Variants in TBL1XR1 observed in about 807,000 individuals in gnomAD.
TBL1XR1 encodes TBL1X/Y related 1.
A neutral mutation model predicts 66.9 loss-of-function variants in TBL1XR1; 5 were observed. That is an observed-to-expected ratio of 0.07 (90% CI 0.04 to 0.16). The LOEUF (loss-of-function observed/expected upper bound fraction) is 0.16. Ranked by LOEUF, TBL1XR1 falls within the 10% of genes least tolerant of loss-of-function variation. TBL1XR1 has a pLI of 1.00. For synonymous variants in TBL1XR1, 210 were observed against 206.0 expected (o/e 1.02, Z -0.17); for missense variants, 238 against 623.2 (o/e 0.38, Z 6.58).
intron 14 of TBL1XR1, among the ~76,000 whole-genome samples, chr3:177,028,809 T>C (rs1369033250): frequency 6.6e-6 from 1 of 152,136 alleles, no homozygotes; most frequent in Non-Finnish European, 1.5e-5. Flanking sequence ...ATTTATAAAG[T>C]TAGAATTATT....
chr3:177,189,509 G>T (rs1341203243), intron 1 of TBL1XR1, among the ~76,000 whole-genome samples: 1 of 151,978 alleles, frequency 6.6e-6, no homozygotes. Context: ...AAAAAAATTA[G>T]CCAGGCGTGG....
chr3:177,118,276 A>T (rs1305099771), intron 1 of TBL1XR1, among the ~76,000 whole-genome samples: 1 of 152,206 alleles, frequency 6.6e-6, no homozygotes, highest in Non-Finnish European at 1.5e-5. Context: ...TCATTAACTC[A>T]TTTAAGAGCC....
In TBL1XR1 at chr3:177,037,859, T is replaced by G. The variant is rs1715036972; in HGVS notation, c.1122+239A>C. ...GAGCCCTAACTAATAGGGTATCATATGTCTCATTGTATCACAAGCCATCAT... is the reference window on the plus strand; with the variant it reads ...GAGCCCTAACTAATAGGGTATCATAGGTCTCATTGTATCACAAGCCATCAT... On this transcript the variant is annotated intron_variant, in intron 12 of 15. Coordinates refer to ENST00000457928, the MANE Select transcript of TBL1XR1 (RefSeq NM_024665.7). The G allele has an allele frequency of 6.9e-6, 3 of 433,324 alleles. No individual in the cohort carries two copies. The Admixed American group carries it at 1.2e-4, about 17-fold the overall frequency. 26.8% of individuals were successfully genotyped at this position (433,324 alleles called of 1,614,324 possible).
chr3:177,051,440 T>TA, intron 5 of TBL1XR1, 64 bp downstream of exon 5: 6 of 1,450,830 alleles, frequency 4.1e-6, no homozygotes, highest in Admixed American at 4.6e-5. Flanking sequence ...TACCCCGAAT[T>TA]AAAAGTTTAA....
chr3:177,181,705 A>G (rs1436402091), intron 1 of TBL1XR1, among the ~76,000 whole-genome samples: 2 of 152,126 alleles, frequency 1.3e-5, no homozygotes, highest in African/African-American at 4.8e-5. Flanking sequence ...GGAAAACCAC[A>G]GTCAAAGAGA....
chr3:177,179,588 G>A (rs1358013066), intron 1 of TBL1XR1, among the ~76,000 whole-genome samples: 1 of 152,176 alleles, frequency 6.6e-6, no homozygotes, highest in Non-Finnish European at 1.5e-5. Context: ...TGAAGCTAAA[G>A]GTTGCAGAAG....
At chr3:177,099,427 TG>T (rs1172087713) in intron 1 of TBL1XR1, 1 of 152,292 alleles carries the variant, frequency 6.6e-6, no homozygotes, top group Non-Finnish European at 1.5e-5. Context: ...GACTCTTAGT[TG>T]GAACACTGAC....
intron 1 of TBL1XR1, among the ~76,000 whole-genome samples, chr3:177,147,544 C>T (rs1730401634): frequency 6.6e-6 from 1 of 152,202 alleles, no homozygotes; most frequent in Admixed American, 6.5e-5. Context: ...TTGGGTTCAA[C>T]AGACAGCGCA....
chr3:177,175,751 G>C (rs913758088), intron 1 of TBL1XR1, among the ~76,000 whole-genome samples: 2 of 152,068 alleles, frequency 1.3e-5, no homozygotes, highest in Non-Finnish European at 2.9e-5. Flanking sequence ...GTGACCTAAT[G>C]AAGCATTAAA....
At chr3:177,069,174 T>C (rs1029832154) in intron 2 of TBL1XR1, among the ~76,000 whole-genome samples, 1 of 152,182 alleles carries the variant, frequency 6.6e-6, no homozygotes, top group East Asian at 1.9e-4. Flanking sequence ...TGAGTCAGTA[T>C]ATGTCACAGA....
chr3:177,036,956 T>C (rs547569866), intron 12 of TBL1XR1, among the ~76,000 whole-genome samples: 43 of 152,314 alleles, frequency 2.8e-4, no homozygotes, highest in African/African-American at 9.4e-4. Flanking sequence ...AGTATTACGT[T>C]GTTCTTTATC....
intron 2 of TBL1XR1, among the ~76,000 whole-genome samples, chr3:177,084,365 T>C (rs1195202990): frequency 2.6e-5 from 4 of 152,184 alleles, no homozygotes; most frequent in South Asian, 2.1e-4. Context: ...ACATGCACAA[T>C]AGATGAGGTC....
intron 1 of TBL1XR1, among the ~76,000 whole-genome samples, chr3:177,188,594 C>G (rs1183673158): frequency 1.3e-5 from 2 of 151,972 alleles, no homozygotes; most frequent in African/African-American, 4.8e-5. Context: ...CATCTCTGAC[C>G]CTTGCAGCCC....
chr3:177,079,600 T>C (rs1312426239), intron 2 of TBL1XR1: 2 of 152,014 alleles, frequency 1.3e-5, no homozygotes, highest in African/African-American at 4.8e-5. Flanking sequence ...GCAGTCATCA[T>C]TGGTAAGAAA....
rs1467546894 is a variant in TBL1XR1, at chr3:177,019,366, A to G, written c.*6132T>C. Reference sequence around the variant, plus strand: ...TAGTAATTGTCTTCTGTACTTTACTAAACACTTTGTGTTTAATATATTTTA... The same window carrying G: ...TAGTAATTGTCTTCTGTACTTTACTGAACACTTTGTGTTTAATATATTTTA... On this transcript the variant is annotated 3_prime_UTR_variant, in exon 16 of 16. Transcript: ENST00000457928. 6.6e-6 allele frequency: 1 copy of G among 152,206 alleles called. No individual in the cohort carries two copies. The highest frequency in any genetic ancestry group is 2.4e-5 in the African/African-American group (1 of 41,440). 9.4% of individuals were successfully genotyped at this position (152,206 alleles called of 1,614,324 possible).
intron 14 of TBL1XR1, among the ~76,000 whole-genome samples, chr3:177,030,723 GAACA>G (rs555115068): frequency 1.3e-5 from 2 of 152,300 alleles, no homozygotes; most frequent in South Asian, 4.1e-4. Context: ...AAGTGAAAAT[GAACA>G]AATACTAACT....
chr3:177,171,198 G>A (rs1020228653), intron 1 of TBL1XR1, among the ~76,000 whole-genome samples: 9 of 151,838 alleles, frequency 5.9e-5, no homozygotes, highest in Non-Finnish European at 1.2e-4. Flanking sequence ...AAATTAGCCA[G>A]GTGTGGTGGC....
In TBL1XR1 at chr3:177,153,134, C is replaced by CA. The variant is rs555891587; in HGVS notation, c.-122+43986dup. On this transcript the variant is annotated intron_variant, in intron 1 of 15. Coordinates refer to ENST00000457928, the MANE Select transcript of TBL1XR1 (RefSeq NM_024665.7). ...TGGGCAACAGAGTGAAATAGTGTCT[C>CA]AAAAATAAAATAAAATAAAATAAAG... Among the ~76,000 whole-genome samples, 665 of 151,818 alleles carry CA rather than the reference C, an allele frequency of 4.4e-3. 5 individuals are homozygous for CA. Among genetic ancestry groups the CA allele is most frequent in the Middle Eastern group, 0.017 (5 of 294 alleles).
intron 1 of TBL1XR1, among the ~76,000 whole-genome samples, chr3:177,137,916 G>A (rs887975809): frequency 1.3e-5 from 2 of 152,226 alleles, no homozygotes; most frequent in Admixed American, 1.3e-4. Context: ...GCTGCAGTGA[G>A]CTGTGATCAT....
Sources: allele counts gnomAD v4.1 joint callset (sites outside exome capture counted in the v4.1 genomes callset), GRCh38; gene constraint gnomAD v4.1.1; transcripts MANE v1.5; gene names NCBI Gene and HGNC (gene_info 2026-07-23, HGNC 2026-07-21).